Variants in RNASE11 observed in about 807,000 individuals in gnomAD.
The protein encoded by RNASE11 is ribonuclease A family member 11 (inactive).
For synonymous variants in RNASE11, 105 were observed against 86.1 expected, an observed-to-expected ratio of 1.22 and a Z score of -1.21; for missense variants, 252 against 237.8, an observed-to-expected ratio of 1.06 and a Z score of -0.39.
chr14:20,584,136 C>T (rs141129644), exon 2 of RNASE11: 47 of 1,614,196 alleles, frequency 2.9e-5, no homozygotes, highest in Middle Eastern at 1.6e-4. Flanking sequence ...TCCACTTGCA[C>T]GATCCGTTTG....
intron 1 of RNASE11, among the ~76,000 whole-genome samples, chr14:20,585,855 C>A (rs1884423810): frequency 1.3e-5 from 2 of 151,484 alleles, no homozygotes; most frequent in African/African-American, 4.8e-5. Context: ...CTGGAAAATC[C>A]CTAAAGAAAG....
upstream of RNASE11, among the ~76,000 whole-genome samples, chr14:20,588,785 A>ATATT (rs1351905423): frequency 3.3e-5 from 5 of 152,114 alleles, no homozygotes. Context: ...ATTTTAGAAA[A>ATATT]TATTTATTTA....
chr14:20,587,920 C>T (rs1884470156), upstream of RNASE11: 1 of 886,906 alleles, frequency 1.1e-6, no homozygotes, highest in Non-Finnish European at 1.4e-6. Flanking sequence ...TGAAGTCTCT[C>T]AACTGAAAAG....
chr14:20,587,947 C>T (rs961496222), upstream of RNASE11: 8 of 691,374 alleles, frequency 1.2e-5, no homozygotes, highest in Non-Finnish European at 1.4e-5. Context: ...ACAGAGAGTG[C>T]TCTCCAAAGC....
chr14:20,589,523 G>C (rs1390986853), upstream of RNASE11, among the ~76,000 whole-genome samples: 1 of 151,926 alleles, frequency 6.6e-6, no homozygotes. Flanking sequence ...AAAGTGGTGG[G>C]ATTACAGGCG....
chr14:20,584,011 T>C lies in RNASE11; in HGVS notation c.464A>G (p.Asn155Ser), dbSNP rs774072681. 2.5e-6 allele frequency: 4 copies of C among 1,614,178 alleles called. No individual in the cohort carries two copies. The South Asian group carries it at 4.4e-5, about 18-fold the overall frequency. ...GCCTGTAGTGAACTGGCACACTGTA[T>C]TTTCCAGTTCTAGGCTCTCACAGCA... is the stretch of plus-strand genomic sequence containing the variant. The change falls in exon 2 of 2, where the codon AAT (asparagine) becomes AGT (serine). Residue 155 changes from asparagine (N) to serine (S), a missense_variant. Physicochemically the swap from Asn to Ser is conservative, Grantham distance 46. Transcript: ENST00000553849.
At chr14:20,586,238 T>C (rs139638206) in intron 1 of RNASE11, among the ~76,000 whole-genome samples, 7 of 152,348 alleles carry the variant, frequency 4.6e-5, no homozygotes, top group African/African-American at 1.7e-4. Context: ...TAATATACCC[T>C]ATGCCATCTC....
At chr14:20,588,001 T>C (rs371419162), upstream of RNASE11, 13 of 192,166 alleles carry the variant, frequency 6.8e-5, no homozygotes, top group South Asian at 1.4e-3. Flanking sequence ...TATGAGTCTC[T>C]AGCTCTCACA....
chr14:20,588,575 G>C (rs558396709), upstream of RNASE11, among the ~76,000 whole-genome samples: 1 of 152,178 alleles, frequency 6.6e-6, no homozygotes, highest in South Asian at 2.1e-4. Context: ...CACAAAGGGA[G>C]CTGCTGAACA....
At chr14:20,585,170 T>C (rs1884409441) in intron 1 of RNASE11, 2 of 767,778 alleles carry the variant, frequency 2.6e-6, no homozygotes, top group South Asian at 6.0e-5. Context: ...GATAGGGTTG[T>C]ATGAGATTGA....
At chr14:20,590,049 C>CA, upstream of RNASE11, 3 of 806,034 alleles carry the variant, frequency 3.7e-6, no homozygotes, top group Non-Finnish European at 3.7e-6. Context: ...AGATAAGGGA[C>CA]AAAAAATGGA....
upstream of RNASE11, among the ~76,000 whole-genome samples, chr14:20,588,781 GA>G (rs1884490810): frequency 6.6e-6 from 1 of 152,064 alleles, no homozygotes; most frequent in Admixed American, 6.5e-5. Context: ...AACAATTTTA[GA>G]AAATATTTAT....
chr14:20,585,091 A>G, intron 1 of RNASE11: 1 of 985,510 alleles, frequency 1.0e-6, no homozygotes, highest in Non-Finnish European at 1.2e-6. Context: ...TAAAAGTGAA[A>G]TCGTGTTTGT....
chr14:20,590,216 TCAG>T, upstream of RNASE11: 2 of 1,581,382 alleles, frequency 1.3e-6, no homozygotes, highest in South Asian at 2.3e-5. Context: ...CAGGTCTGCC[TCAG>T]GCACAGCCAG....
upstream of RNASE11, among the ~76,000 whole-genome samples, chr14:20,588,924 T>C (rs1390340022): frequency 6.6e-6 from 1 of 151,934 alleles, no homozygotes; most frequent in Non-Finnish European, 1.5e-5. Context: ...GCAGCTGGGA[T>C]TACAGGCGTG....
chr14:20,587,692 G>T, exon 1 of RNASE11: 3 of 984,884 alleles, frequency 3.0e-6, no homozygotes, highest in Non-Finnish European at 3.6e-6. Flanking sequence ...GCTGAAAAAC[G>T]GCCACCTAAG....
At chr14:20,586,366 T>A (rs1176628790) in intron 1 of RNASE11, among the ~76,000 whole-genome samples, 1 of 152,240 alleles carries the variant, frequency 6.6e-6, no homozygotes, top group Non-Finnish European at 1.5e-5. Flanking sequence ...GTCTACTAAA[T>A]CCATTTCCAA....
intron 1 of RNASE11, chr14:20,585,077 G>A: frequency 2.0e-6 from 2 of 985,434 alleles, no homozygotes; most frequent in Non-Finnish European, 2.4e-6. Flanking sequence ...CTTTGTTGCA[G>A]AGCTAAAAGT....
intron 1 of RNASE11, among the ~76,000 whole-genome samples, chr14:20,586,186 G>C (rs1256370590): frequency 1.3e-5 from 2 of 152,094 alleles, no homozygotes; most frequent in African/African-American, 4.8e-5. Context: ...CCATTATTTT[G>C]CTACACAAAC....
Sources: gnomAD v4.1 joint callset for allele counts (sites outside exome capture counted in the v4.1 genomes callset) on GRCh38, gnomAD v4.1.1 for gene constraint, MANE v1.5 for transcripts, NCBI Gene and HGNC (gene_info 2026-07-23, HGNC 2026-07-21) for gene names.